The following KSR2 variants were observed in gnomAD, a reference collection of about 807,000 sequenced individuals.
KSR2 encodes kinase suppressor of ras 2.
A neutral mutation model predicts 107.8 loss-of-function variants in KSR2; 25 were observed. The observed-to-expected ratio is 0.23, with a 90% CI of 0.17 to 0.32. The LOEUF is 0.32. Among genes scored for constraint, KSR2 ranks in the 10% least tolerant of loss-of-function variants. The probability of loss-of-function intolerance (pLI) is 1.00; values close to 1 mark genes in which losing one functional copy is unlikely to be tolerated. For missense variants in KSR2, 887 were observed against 1,268.9 expected (o/e 0.70, Z 4.57); for synonymous variants, 480 against 507.0 (o/e 0.95, Z 0.71).
At chr12:117,633,787 G>A (rs1882920522) in intron 5 of KSR2, among the ~76,000 whole-genome samples, 1 of 152,124 alleles carries the variant, frequency 6.6e-6, no homozygotes, top group South Asian at 2.1e-4. Flanking sequence ...CACACTCTGG[G>A]GTTCTGCATG....
At chr12:117,890,390 C>T (rs531461299) in intron 1 of KSR2, among the ~76,000 whole-genome samples, 23 of 152,306 alleles carry the variant, frequency 1.5e-4, no homozygotes, top group Middle Eastern at 3.4e-3. Context: ...CCAGATAGTA[C>T]CTTTGGTGTG....
At position 117,494,030 on chromosome 12, in the gene KSR2, GA is replaced by G. The variant is rs578120638; in HGVS notation, c.2220-8340del. ...TCCGGTAGGTCTTTGTCAGCAGCGTGAAAATGGACTAATACGGGCAGGGACT... is the reference window on the plus strand; with the variant it reads ...TCCGGTAGGTCTTTGTCAGCAGCGTGAAATGGACTAATACGGGCAGGGACT... On this transcript the variant is annotated intron_variant, in intron 14 of 19. Coordinates refer to ENST00000339824, the MANE Select transcript of KSR2 (RefSeq NM_173598.6). Among the ~76,000 whole-genome samples, 177 of 152,268 alleles carry G rather than the reference GA, an allele frequency of 1.2e-3. 2 individuals carry two copies. Among genetic ancestry groups the G allele is most frequent in the Non-Finnish European group, 1.4e-3 (95 of 68,020 alleles).
chr12:117,522,279 A>G lies in KSR2; in HGVS notation c.2219+2573T>C, dbSNP rs549481219. Among the ~76,000 whole-genome samples the G allele has an allele frequency of 5.2e-4, 79 of 152,140 alleles. 1 individual carries two copies. The highest frequency in any genetic ancestry group is 1.7e-3 in the South Asian group (8 of 4,824). On this transcript the variant is annotated intron_variant, in intron 14 of 19. Coordinates refer to ENST00000339824, the MANE Select transcript of KSR2 (RefSeq NM_173598.6). Reference sequence around the variant, plus strand: ...TATTTCCAACTTGCTAGCCTTTGAGAAGGGGGTGAGGGAGGCATGGGGATT... The same window carrying G: ...TATTTCCAACTTGCTAGCCTTTGAGGAGGGGGTGAGGGAGGCATGGGGATT...
At chr12:117,813,421 G>A (rs551721508) in intron 3 of KSR2, among the ~76,000 whole-genome samples, 1 of 152,166 alleles carries the variant, frequency 6.6e-6, no homozygotes, top group South Asian at 2.1e-4. Flanking sequence ...TATTTAAGAA[G>A]CTCAAACAAC....
At chr12:117,536,229 A>C (rs1454735172) in intron 10 of KSR2, among the ~76,000 whole-genome samples, 5 of 152,194 alleles carry the variant, frequency 3.3e-5, no homozygotes, top group Non-Finnish European at 7.3e-5. Flanking sequence ...CAGAAAACTC[A>C]ACATCTGGCA....
intron 4 of KSR2, among the ~76,000 whole-genome samples, chr12:117,722,638 C>T (rs1303166214): frequency 1.3e-5 from 2 of 152,166 alleles, no homozygotes; most frequent in Admixed American, 6.5e-5. Flanking sequence ...AATAATCCAC[C>T]CCTTGTTTAG....
rs144978463 is a variant in KSR2 at position 117,546,470 on chromosome 12, C to T, written c.1519-6583G>A. ...ATTTCTTTGAATTGACCTTCTTTGA[C>T]GTTTTCTGAGATTCTTTAATCTGTA... On this transcript the variant is annotated intron_variant, in intron 9 of 19. Coordinates refer to ENST00000339824, the MANE Select transcript of KSR2 (RefSeq NM_173598.6). Among the ~76,000 whole-genome samples, 509 of 152,242 alleles carry T rather than the reference C, an allele frequency of 3.3e-3. 2 individuals carry two copies. Among genetic ancestry groups the T allele is most frequent in the African/African-American group, 0.012 (486 of 41,532 alleles).
At chr12:117,748,453 C>G (rs769432683) in intron 4 of KSR2, among the ~76,000 whole-genome samples, 1 of 151,970 alleles carries the variant, frequency 6.6e-6, no homozygotes, top group East Asian at 1.9e-4. Flanking sequence ...ATACTCTCAT[C>G]ACAAAAAAAT....
At chr12:117,606,410 TCCC>T (rs1259386866) in intron 5 of KSR2, among the ~76,000 whole-genome samples, 1,330 of 81,880 alleles carry the variant, frequency 0.016, 451 homozygotes, top group East Asian at 0.043. Flanking sequence ...CTCTCCTTCC[TCCC>T]TCCCTCCCCT....
chr12:117,966,619 G>GCATGCA, intron 1 of KSR2, among the ~76,000 whole-genome samples: 1 of 130,016 alleles, frequency 7.7e-6, no homozygotes, highest in East Asian at 2.2e-4. Context: ...TCTCACACGC[G>GCATGCA]CACGCACACA....
rs1021242612 is a variant in KSR2 at position 117,495,160 on chromosome 12, T to G, written c.2220-9469A>C. Among the ~76,000 whole-genome samples, 47 of 152,216 alleles carry G rather than the reference T, an allele frequency of 3.1e-4. 1 individual carries two copies. Among genetic ancestry groups the G allele is most frequent in the African/African-American group, 9.9e-4 (41 of 41,458 alleles). On this transcript the variant is annotated intron_variant, in intron 14 of 19. Coordinates refer to ENST00000339824, the MANE Select transcript of KSR2 (RefSeq NM_173598.6). ...TCAGAGGGATTTACAACCCCTCTGC[T>G]GCTCACTCCCTTTTAAGCATTCCCC...
intron 3 of KSR2, among the ~76,000 whole-genome samples, chr12:117,771,807 C>T (rs1046234025): frequency 2.6e-5 from 4 of 152,104 alleles, no homozygotes; most frequent in African/African-American, 9.7e-5. Flanking sequence ...GAGCTGGGAC[C>T]CACCCCTCCC....
intron 4 of KSR2, among the ~76,000 whole-genome samples, chr12:117,732,879 G>C (rs1887786924): frequency 6.6e-6 from 1 of 152,146 alleles, no homozygotes; most frequent in African/African-American, 2.4e-5. Context: ...GAGGCCATGA[G>C]AGGAGATGCA....
intron 1 of KSR2, among the ~76,000 whole-genome samples, chr12:117,926,430 A>AT (rs1895521316): frequency 6.6e-6 from 1 of 152,228 alleles, no homozygotes; most frequent in Non-Finnish European, 1.5e-5. Flanking sequence ...GCATCTCTCA[A>AT]TTAGGAAGCT....
At chr12:117,939,747 G>T (rs747977344) in intron 1 of KSR2, among the ~76,000 whole-genome samples, 5 of 149,638 alleles carry the variant, frequency 3.3e-5, no homozygotes, top group African/African-American at 1.2e-4. Flanking sequence ...GATGTGAAAC[G>T]TGGCCAATGT....
intron 1 of KSR2, among the ~76,000 whole-genome samples, chr12:117,895,601 G>A (rs554985908): frequency 6.6e-6 from 1 of 152,316 alleles, no homozygotes; most frequent in South Asian, 2.1e-4. Flanking sequence ...CTGTGAGGAT[G>A]TGGTGAATGC....
rs114067094 is a variant in KSR2, at chr12:117,699,824, T to G, written c.987-32166A>C. Reference sequence around the variant, plus strand: ...AAGCAACTACACTGCAAGGTTACAATGGCTATGACGTCACTAGGTGATAGG... The same window carrying G: ...AAGCAACTACACTGCAAGGTTACAAGGGCTATGACGTCACTAGGTGATAGG... On this transcript the variant is annotated intron_variant, in intron 4 of 19. Transcript: ENST00000339824. Among the ~76,000 whole-genome samples the G allele has an allele frequency of 2.4e-3, 372 of 152,288 alleles. 3 individuals are homozygous for G. Among genetic ancestry groups the G allele is most frequent in the African/African-American group, 8.0e-3 (333 of 41,560 alleles).
intron 1 of KSR2, among the ~76,000 whole-genome samples, chr12:117,933,986 T>C (rs1437213364): frequency 2.6e-5 from 4 of 152,198 alleles, no homozygotes; most frequent in African/African-American, 9.6e-5. Flanking sequence ...GGGAGAGCTA[T>C]TATTTAAATC....
chr12:117,629,160 G>A (rs185289134), intron 5 of KSR2, among the ~76,000 whole-genome samples: 21 of 152,332 alleles, frequency 1.4e-4, no homozygotes, highest in Non-Finnish European at 2.4e-4. Context: ...CGCTTCCCAG[G>A]TGAGTTGATG....
Sources: allele counts gnomAD v4.1 joint callset (sites outside exome capture counted in the v4.1 genomes callset), GRCh38; gene constraint gnomAD v4.1.1; transcripts MANE v1.5; gene names NCBI Gene and HGNC (gene_info 2026-07-23, HGNC 2026-07-21).